Variants in HNF4A observed in about 807,000 individuals in gnomAD.
HNF4A encodes the protein hepatocyte nuclear factor 4-alpha.
A neutral mutation model predicts 52.4 loss-of-function variants in HNF4A; 15 were observed. The observed-to-expected ratio is 0.29, with a 90% CI of 0.19 to 0.44. The LOEUF (loss-of-function observed/expected upper bound fraction) is 0.44. HNF4A is among the 20% of genes least tolerant of loss of function. HNF4A has a pLI of 1.00. For synonymous variants in HNF4A, 280 were observed against 264.4 expected, an observed-to-expected ratio of 1.06 and a Z score of -0.57; for missense variants, 479 against 647.2, an observed-to-expected ratio of 0.74 and a Z score of 2.82.
intron 1 of HNF4A, among the ~76,000 whole-genome samples, chr20:44,388,387 G>T (rs1176856444): frequency 1.4e-5 from 1 of 72,058 alleles, no homozygotes; most frequent in East Asian, 5.0e-4. Flanking sequence ...CCCCACCCCC[G>T]TACATTGGAA....
intron 1 of HNF4A, among the ~76,000 whole-genome samples, chr20:44,372,350 T>C (rs1027740751): frequency 3.9e-5 from 6 of 152,210 alleles, no homozygotes; most frequent in Non-Finnish European, 7.3e-5. Flanking sequence ...CGTAGACCAA[T>C]CCCAGTCAAA....
intron 3 of HNF4A, 123 bp from the exon 4 acceptor site, chr20:44,413,571 C>G: frequency 2.7e-6 from 2 of 731,020 alleles, no homozygotes; most frequent in South Asian, 3.0e-5. Flanking sequence ...ATTCCACATG[C>G]TGATGTGGGC....
At chr20:44,424,720 G>C in intron 8 of HNF4A, 1 of 627,906 alleles carries the variant, frequency 1.6e-6, no homozygotes, top group Non-Finnish European at 2.3e-6. Context: ...CTTGTGCTAA[G>C]ACCCTAACGG....
intron 1 of HNF4A, among the ~76,000 whole-genome samples, chr20:44,356,119 G>A (rs1194107792): frequency 2.6e-5 from 4 of 152,166 alleles, no homozygotes. Context: ...AGGCCTTCCT[G>A]GGAATGCATC....
At chr20:44,376,508 CCT>C (rs568911710) in intron 1 of HNF4A, among the ~76,000 whole-genome samples, 5 of 151,922 alleles carry the variant, frequency 3.3e-5, no homozygotes, top group African/African-American at 4.8e-5. Flanking sequence ...TATGTATCCA[CCT>C]CTCAATTTTG....
chr20:44,427,421 A>T (rs1163050659), intron 8 of HNF4A, among the ~76,000 whole-genome samples: 1 of 152,188 alleles, frequency 6.6e-6, no homozygotes, highest in Non-Finnish European at 1.5e-5. Flanking sequence ...GAAACATGGG[A>T]AGTGCTATAC....
chr20:44,414,258 G>A (rs571600544), intron 4 of HNF4A, among the ~76,000 whole-genome samples: 4 of 152,172 alleles, frequency 2.6e-5, no homozygotes, highest in Admixed American at 1.3e-4. Flanking sequence ...AGACTCCTTG[G>A]GGCTCTAAAG....
intron 1 of HNF4A, among the ~76,000 whole-genome samples, chr20:44,388,415 A>C (rs2063261140): frequency 7.9e-6 from 1 of 127,276 alleles, no homozygotes; most frequent in African/African-American, 3.4e-5. Context: ...CTGGGAACAG[A>C]AGTTTAGTAG....
chr20:44,384,562 C>T (rs947309715), intron 1 of HNF4A: 30 of 152,218 alleles, frequency 2.0e-4, no homozygotes, highest in African/African-American at 6.7e-4. Flanking sequence ...GGGGGCGCTC[C>T]GCGTTGTGGA....
chr20:44,413,024 G>C (rs2063609197), intron 3 of HNF4A, among the ~76,000 whole-genome samples: 1 of 152,178 alleles, frequency 6.6e-6, no homozygotes, highest in Admixed American at 6.5e-5. Context: ...CCCATCCACT[G>C]TCGGGATGGT....
upstream of HNF4A, chr20:44,401,178 C>T (rs185531126): frequency 6.8e-7 from 1 of 1,467,318 alleles, no homozygotes; most frequent in Non-Finnish European, 9.0e-7. Context: ...TAACCATTAA[C>T]CCCCACCCCT....
rs148389475 is a variant in HNF4A, at chr20:44,390,301, A to T, written c.50-15757A>T. 3.5e-3 allele frequency among the ~76,000 whole-genome samples: 536 copies of T among 152,172 alleles called. 2 individuals are homozygous for T. Among genetic ancestry groups the T allele is most frequent in the Non-Finnish European group, 4.1e-3 (282 of 67,988 alleles). On this transcript the variant is annotated intron_variant, in intron 1 of 9. Coordinates refer to the HNF4A transcript ENST00000316673. ...GAGCAGAATACTGAAGCAATGCAAG[A>T]GTTATGGTTTTTTCCAAGCCCTCCA...
chr20:44,419,841 A>T lies in HNF4A; in HGVS notation c.857A>T (p.Tyr286Phe), dbSNP rs748714111. ...GAGCTGCAGATCGATGACAATGAGT[A>T]TGCCTACCTCAAAGCCATCATCTTC... Residue 286 changes from tyrosine to phenylalanine, a missense_variant, in exon 7 of 10, where the codon TAT becomes TTT. Physicochemically the swap from Tyr to Phe is conservative, Grantham distance 22. Around this residue, in one of 3 missense-constraint regions of HNF4A, gnomAD observed 389 missense variants for 525.1 expected, o/e 0.74. Coordinates refer to ENST00000316099, the MANE Select transcript of HNF4A (RefSeq NM_000457.6). 6.2e-7 allele frequency: 1 copy of T among 1,614,128 alleles called. No individual in the cohort carries two copies. The highest frequency in any genetic ancestry group is 8.5e-7 in the Non-Finnish European group (1 of 1,180,010).
chr20:44,361,074 T>C (rs6031551), intron 1 of HNF4A, among the ~76,000 whole-genome samples: 29,725 of 152,068 alleles, frequency 0.2, 3,011 homozygotes, highest in Middle Eastern at 0.26. Flanking sequence ...CCTTCATTCT[T>C]AAAATATGGC....
chr20:44,372,851 A>AAAGGAATCTTGGCAATGATG (rs1310474136), intron 1 of HNF4A: 3 of 152,190 alleles, frequency 2.0e-5, no homozygotes, highest in African/African-American at 4.8e-5. Context: ...GCCGGGAGGA[A>AAAGGAATCTTGGCAATGATG]AAGGAATCTT....
intron 8 of HNF4A, among the ~76,000 whole-genome samples, chr20:44,426,746 G>A (rs2063819023): frequency 1.3e-5 from 2 of 152,190 alleles, no homozygotes; most frequent in Admixed American, 6.5e-5. Flanking sequence ...GATGGAGGTT[G>A]AAGTGAGCTG....
chr20:44,433,648 T>C (rs1014020214), downstream of HNF4A: 1 of 152,244 alleles, frequency 6.6e-6, no homozygotes, highest in Admixed American at 6.6e-5. Context: ...AACACTGCAC[T>C]ACAGCCTGGA....
intron 1 of HNF4A, among the ~76,000 whole-genome samples, chr20:44,359,306 A>G (rs554718889): frequency 2.6e-5 from 4 of 152,162 alleles, no homozygotes; most frequent in Admixed American, 6.5e-5. Context: ...TATAACCCAA[A>G]CTGGCTGTCC....
intron 1 of HNF4A, among the ~76,000 whole-genome samples, chr20:44,386,355 C>T (rs186064234): frequency 6.6e-6 from 1 of 151,688 alleles, no homozygotes; most frequent in African/African-American, 2.4e-5. Flanking sequence ...TTAGTAGAGA[C>T]GAGGTCTCAC....
Sources: allele counts gnomAD v4.1 joint callset (sites outside exome capture counted in the v4.1 genomes callset), GRCh38; gene constraint gnomAD v4.1.1; regional missense constraint gnomAD v4.1.1; transcripts MANE v1.5; gene names NCBI Gene and HGNC (gene_info 2026-07-23, HGNC 2026-07-21).